Variants in ZNF91 observed in about 807,000 individuals in gnomAD.
The protein encoded by ZNF91 is zinc finger protein 91.
ZNF91 carries 7 observed loss-of-function variants against 12.6 expected under a neutral mutation model. The ratio of observed to expected loss-of-function variants is 0.55; its 90% CI spans 0.31 to 1.04. ZNF91 has a LOEUF of 1.04. Ranked by LOEUF, ZNF91 falls within the 50% of genes least tolerant of loss-of-function variation. The probability of loss-of-function intolerance (pLI) is 0.05; values close to 1 mark genes in which losing one functional copy is unlikely to be tolerated. For synonymous variants in ZNF91, 453 were observed against 462.6 expected, an observed-to-expected ratio of 0.98 and a Z score of 0.27; for missense variants, 1,217 against 1,385.4, an observed-to-expected ratio of 0.88 and a Z score of 1.93.
At position 23,359,072 on chromosome 19, in the gene ZNF91, G is replaced by A. The variant is rs1249890321; in HGVS notation, c.*331C>T. 3.6e-6 allele frequency: 2 copies of A among 557,236 alleles called. No homozygotes were observed. Among genetic ancestry groups the A allele is most frequent in the Admixed American group, 2.2e-5 (1 of 46,432 alleles). The allele number at this position is 557,236 out of a possible 1,614,324, so 34.5% of individuals were successfully genotyped here. A position where few individuals can be genotyped will look rare whatever the true frequency, so the allele number is the denominator to read the frequency against. The stretch of plus-strand genomic sequence containing the variant: ...GTATGAATTTTCTTATGTCTGGTTA[G>A]GGCTGAGGACCAGAAAAAGGATTTG... On this transcript the variant is annotated 3_prime_UTR_variant, in exon 4 of 4. Coordinates refer to ENST00000300619, the MANE Select transcript of ZNF91 (RefSeq NM_003430.4).
intron 1 of ZNF91, chr19:23,384,868 G>A (rs1969825694): frequency 1.3e-6 from 1 of 748,330 alleles, no homozygotes; most frequent in Non-Finnish European, 2.5e-6. Context: ...GATCACTGGA[G>A]GGTCCCAAGC....
chr19:23,362,605 C>T lies in ZNF91; in HGVS notation c.374G>A (p.Gly125Asp), dbSNP rs368170174. 7.0e-5 allele frequency: 111 copies of T among 1,593,632 alleles called. No homozygotes were observed. Among genetic ancestry groups the T allele is most frequent in the Middle Eastern group, 1.7e-4 (1 of 5,950 alleles). ...CGHENLQLRK[G>D]CKSVDECKVH... ...CTTACACTCATCCACACTTTTACAA[C>T]CTTTTCTTAACTGTAAATTCTCATG... Residue 125 changes from glycine to aspartate, a missense_variant, in exon 4 of 4, where the codon GGT (glycine) becomes GAT (aspartate). Gly to Asp is a moderately conservative substitution (Grantham distance 94, BLOSUM62 -1). Transcript: ENST00000300619.
upstream of ZNF91, among the ~76,000 whole-genome samples, chr19:23,312,808 G>A (rs1173228655): frequency 6.6e-6 from 1 of 152,132 alleles, no homozygotes; most frequent in Non-Finnish European, 1.5e-5. Flanking sequence ...AAAGCCCTAG[G>A]GTGATACATA....
chr19:23,316,100 G>C (rs1466264539), intron 1 of ZNF91, among the ~76,000 whole-genome samples: 3 of 151,174 alleles, frequency 2.0e-5, no homozygotes, highest in Non-Finnish European at 4.4e-5. Flanking sequence ...ACACATTTTT[G>C]TTGCCTGGGA....
chr19:23,312,161 G>A (rs147248340), upstream of ZNF91, among the ~76,000 whole-genome samples: 17 of 152,086 alleles, frequency 1.1e-4, no homozygotes, highest in East Asian at 2.5e-3. Flanking sequence ...CAGCAACAAC[G>A]TGATATGACT....
chr19:23,316,215 A>G (rs1284033531), intron 1 of ZNF91, among the ~76,000 whole-genome samples: 2 of 148,204 alleles, frequency 1.3e-5, no homozygotes, highest in African/African-American at 5.0e-5. Flanking sequence ...GTTTTGTGAC[A>G]TATTGCTGGG....
At chr19:23,315,364 C>T (rs979046106), upstream of ZNF91, among the ~76,000 whole-genome samples, 2 of 152,196 alleles carry the variant, frequency 1.3e-5, no homozygotes, top group African/African-American at 4.8e-5. Flanking sequence ...TTTACCTGGA[C>T]TCTGCCCATA....
At chr19:23,373,520 GCTGTCA>G (rs1291324716) in intron 3 of ZNF91, among the ~76,000 whole-genome samples, 5 of 151,792 alleles carry the variant, frequency 3.3e-5, no homozygotes, top group Admixed American at 2.6e-4. Context: ...CAGTACTCTG[GCTGTCA>G]CTGTAAACTT....
At chr19:23,307,943 GTCC>G (rs1424193335) in intron 2 of ZNF91, 2 of 152,198 alleles carry the variant, frequency 1.3e-5, no homozygotes, top group African/African-American at 2.4e-5. Flanking sequence ...ATATTTCTGG[GTCC>G]AACACCTAGG....
intron 3 of ZNF91, 85 bp downstream of exon 3, chr19:23,373,657 G>T: frequency 9.5e-7 from 1 of 1,051,456 alleles, no homozygotes; most frequent in Non-Finnish European, 1.4e-6. Context: ...TTGGAACACA[G>T]CTTCTCAGAT....
intron 1 of ZNF91, among the ~76,000 whole-genome samples, chr19:23,381,337 A>G (rs1040398168): frequency 2.6e-5 from 4 of 152,198 alleles, no homozygotes; most frequent in African/African-American, 9.6e-5. Context: ...TATTGAATGT[A>G]TATGAATGCA....
At chr19:23,364,658 TAA>T (rs1457896819) in intron 3 of ZNF91, among the ~76,000 whole-genome samples, 4 of 152,128 alleles carry the variant, frequency 2.6e-5, no homozygotes, top group African/African-American at 9.7e-5. Context: ...TATTCACATT[TAA>T]AAGTGTTTCT....
intron 3 of ZNF91, among the ~76,000 whole-genome samples, chr19:23,373,389 T>TATATATAA: frequency 7.7e-6 from 1 of 130,684 alleles, no homozygotes; most frequent in Non-Finnish European, 1.7e-5. Flanking sequence ...TATATATAAA[T>TATATATAA]AAACAGTACT....
At position 23,360,082 on chromosome 19, in the gene ZNF91, T is replaced by C. The variant is rs761069846; in HGVS notation, c.2897A>G (p.Tyr966Cys). The change falls in exon 4 of 4, where the codon TAC becomes TGC. Residue 966 changes from tyrosine (Y) to cysteine (C), a missense_variant. Coordinates refer to ENST00000300619, the MANE Select transcript of ZNF91 (RefSeq NM_003430.4). ...HKIIHTGEKP[Y>C]KCEECGKAFR... ...AGCTTTGCCACATTCTTCACATTTG[T>C]AGGGTTTCTCTCCAGTATGAATTAT... 3 of 1,613,390 alleles carry C rather than the reference T, an allele frequency of 1.9e-6. No individual in the cohort carries two copies. Among genetic ancestry groups the C allele is most frequent in the South Asian group, 2.2e-5 (2 of 91,086 alleles).
intron 3 of ZNF91, among the ~76,000 whole-genome samples, chr19:23,367,463 A>T (rs1329030033): frequency 6.6e-6 from 1 of 152,222 alleles, no homozygotes; most frequent in African/African-American, 2.4e-5. Flanking sequence ...AAAAAAATTA[A>T]TTTTTCAAAG....
At chr19:23,354,779 T>C (rs1599713440), downstream of ZNF91, among the ~76,000 whole-genome samples, 1 of 152,282 alleles carries the variant, frequency 6.6e-6, no homozygotes, top group Admixed American at 6.5e-5. Flanking sequence ...AGTTTCAGGA[T>C]ACGAGATTAA....
chr19:23,387,669 A>C (rs1323403931), intron 1 of ZNF91, among the ~76,000 whole-genome samples: 1 of 152,150 alleles, frequency 6.6e-6, no homozygotes, highest in Non-Finnish European at 1.5e-5. Context: ...GCCCACCACG[A>C]TGGCTCATGC....
intron 1 of ZNF91, among the ~76,000 whole-genome samples, chr19:23,394,345 A>G (rs982366415): frequency 1.3e-5 from 2 of 152,250 alleles, no homozygotes; most frequent in Non-Finnish European, 2.9e-5. Context: ...AAATTACTAC[A>G]TTGGCAGAAG....
At chr19:23,346,100 A>C (rs889114368) in intron 3 of ZNF91, among the ~76,000 whole-genome samples, 2 of 152,136 alleles carry the variant, frequency 1.3e-5, no homozygotes, top group Non-Finnish European at 2.9e-5. Flanking sequence ...ATGTTGTTAG[A>C]GTTCACATTC....
Sources: gnomAD v4.1 joint callset for allele counts (sites outside exome capture counted in the v4.1 genomes callset) on GRCh38, gnomAD v4.1.1 for gene constraint, MANE v1.5 for transcripts, NCBI Gene and HGNC (gene_info 2026-07-23, HGNC 2026-07-21) for gene names.